BMP5: variants seen among roughly 807,000 people sequenced by gnomAD.
The protein encoded by BMP5 is bone morphogenetic protein 5.
BMP5 carries 23 observed loss-of-function variants against 46.6 expected under a neutral mutation model. The ratio of observed to expected loss-of-function variants is 0.49; its 90% CI spans 0.35 to 0.70. The LOEUF is 0.70. Among genes scored for constraint, BMP5 ranks in the 30% least tolerant of loss-of-function variants. The pLI is 0.00. For missense variants in BMP5, 545 were observed against 565.6 expected (o/e 0.96, Z 0.37); for synonymous variants, 204 against 191.9 (o/e 1.06, Z -0.52).
chr6:55,755,748 T>C, intron 6 of BMP5, 66 bp from the exon 7 acceptor site: 2 of 1,467,214 alleles, frequency 1.4e-6, no homozygotes, highest in Non-Finnish European at 1.9e-6. Flanking sequence ...AGTTTTAAAA[T>C]GGTATGATTA....
intron 3 of BMP5, among the ~76,000 whole-genome samples, chr6:55,776,848 C>A: frequency 6.6e-6 from 1 of 151,750 alleles, no homozygotes; most frequent in Non-Finnish European, 1.5e-5. Flanking sequence ...CAAAGACTTT[C>A]AATATTTTAA....
At chr6:55,854,442 T>C (rs889830117) in intron 1 of BMP5, among the ~76,000 whole-genome samples, 3 of 152,088 alleles carry the variant, frequency 2.0e-5, no homozygotes, top group African/African-American at 7.2e-5. Context: ...CTCTTTTTTA[T>C]ACTGTATTTT....
intron 1 of BMP5, among the ~76,000 whole-genome samples, chr6:55,867,074 A>G (rs1777658954): frequency 6.6e-6 from 1 of 152,076 alleles, no homozygotes; most frequent in South Asian, 2.1e-4. Flanking sequence ...ACATTTCCCT[A>G]TTCTGCTATT....
Position 55,768,022 on chromosome 6 carries a change from A to G in BMP5, c.1027+6027T>C, listed in dbSNP as rs367996715. ...TGATATCAGCATATTAAGGTAATCTATTATGTATGGATTAGGTAAACAAGG... is the reference window on the plus strand; with the variant it reads ...TGATATCAGCATATTAAGGTAATCTGTTATGTATGGATTAGGTAAACAAGG... On this transcript the variant is annotated intron_variant, in intron 4 of 6. Transcript: ENST00000370830. 3.9e-5 allele frequency among the ~76,000 whole-genome samples: 6 copies of G among 151,962 alleles called. No homozygotes were observed. The South Asian group carries it at 1.2e-3, about 31-fold the overall frequency.
At chr6:55,844,048 T>C (rs1777035685) in intron 1 of BMP5, among the ~76,000 whole-genome samples, 1 of 152,034 alleles carries the variant, frequency 6.6e-6, no homozygotes. Context: ...GAATCTGTAT[T>C]TATAATACAG....
chr6:55,787,786 A>C (rs1487608292), intron 3 of BMP5, among the ~76,000 whole-genome samples: 1 of 151,622 alleles, frequency 6.6e-6, no homozygotes. Flanking sequence ...ACTTTATTTG[A>C]AGTTTGCAGA....
At chr6:55,762,749 T>A (rs1354108978) in intron 4 of BMP5, among the ~76,000 whole-genome samples, 4 of 152,130 alleles carry the variant, frequency 2.6e-5, no homozygotes. Flanking sequence ...AAAACAAATG[T>A]TAGCTATGCA....
At chr6:55,797,515 A>G (rs1341819696) in intron 2 of BMP5, among the ~76,000 whole-genome samples, 2 of 152,164 alleles carry the variant, frequency 1.3e-5, no homozygotes, top group Non-Finnish European at 2.9e-5. Flanking sequence ...CAGTTACAAT[A>G]CTTGAAATTA....
At chr6:55,836,627 T>TAC (rs71874169) in intron 1 of BMP5, among the ~76,000 whole-genome samples, 4,001 of 127,226 alleles carry the variant, frequency 0.031, 176 homozygotes, top group African/African-American at 0.11. Context: ...AACACATACA[T>TAC]ACATACACAC....
intron 1 of BMP5, among the ~76,000 whole-genome samples, chr6:55,824,227 TACTGCAGTGGTAAATG>T (rs1776477548): frequency 6.6e-6 from 1 of 151,906 alleles, no homozygotes; most frequent in South Asian, 2.1e-4. Flanking sequence ...TGCTATAACC[TACTGCAGTGGTAAATG>T]ACTTGGGAAG....
chr6:55,831,735 T>C (rs1776668831), intron 1 of BMP5, among the ~76,000 whole-genome samples: 1 of 152,012 alleles, frequency 6.6e-6, no homozygotes, highest in Admixed American at 6.6e-5. Context: ...AAGAAATAGT[T>C]CAATTCACTT....
intron 4 of BMP5, among the ~76,000 whole-genome samples, chr6:55,764,283 A>G (rs1774857652): frequency 6.6e-6 from 1 of 152,144 alleles, no homozygotes; most frequent in Admixed American, 6.5e-5. Context: ...CCATAAAAAG[A>G]ATGAAATTGG....
chr6:55,764,929 T>A (rs752371558), intron 4 of BMP5, among the ~76,000 whole-genome samples: 1 of 152,152 alleles, frequency 6.6e-6, no homozygotes, highest in Non-Finnish European at 1.5e-5. Context: ...TAATTCTACA[T>A]TTCAAAATAA....
At chr6:55,796,749 T>C (rs1163860498) in intron 2 of BMP5, among the ~76,000 whole-genome samples, 1 of 149,762 alleles carries the variant, frequency 6.7e-6, no homozygotes, top group Non-Finnish European at 1.5e-5. Context: ...GAATATGCGG[T>C]GTTTGGTTCT....
At chr6:55,823,508 C>G (rs1034097035) in intron 1 of BMP5, among the ~76,000 whole-genome samples, 3 of 151,938 alleles carry the variant, frequency 2.0e-5, no homozygotes, top group Non-Finnish European at 4.4e-5. Flanking sequence ...TCCCCGTGAC[C>G]CTACTTAAGT....
At chr6:55,777,269 T>TA (rs528527934) in intron 3 of BMP5, among the ~76,000 whole-genome samples, 26 of 151,098 alleles carry the variant, frequency 1.7e-4, no homozygotes, top group South Asian at 6.3e-4. Flanking sequence ...CCGTATGTAT[T>TA]AAAAAAAAAG....
In BMP5 at chr6:55,754,337, C is replaced by CAT. The variant is rs949148120; in HGVS notation, c.*1195_*1196insAT. ...ATGCACACACAGACACACACACACA[C>CAT]ACACACACAACAGAACCTTCCTGTT... is the stretch of plus-strand genomic sequence containing the variant. On this transcript the variant is annotated 3_prime_UTR_variant, in exon 7 of 7. Coordinates refer to ENST00000370830, the MANE Select transcript of BMP5 (RefSeq NM_021073.4). 1.3e-5 allele frequency: 2 copies of CAT among 151,830 alleles called. No homozygotes were observed. Among genetic ancestry groups the CAT allele is most frequent in the African/African-American group, 4.8e-5 (2 of 41,370 alleles). The allele number at this position is 151,830 out of a possible 1,614,324, so 9.4% of individuals were successfully genotyped here. A position where few individuals can be genotyped will look rare whatever the true frequency, so the allele number is the denominator to read the frequency against.
At chr6:55,872,172 C>T (rs1777803271) in intron 1 of BMP5, among the ~76,000 whole-genome samples, 1 of 151,680 alleles carries the variant, frequency 6.6e-6, no homozygotes, top group South Asian at 2.1e-4. Context: ...TATTTGAAGG[C>T]ATGATCAAAG....
rs1047730654 is a variant in BMP5, at chr6:55,875,008, C to T, written c.-143G>A. On this transcript the variant is annotated 5_prime_UTR_variant, in exon 1 of 7. Coordinates refer to ENST00000370830, the MANE Select transcript of BMP5 (RefSeq NM_021073.4). ...TTTTCATGACAGTGACATTTCTGAG[C>T]ACAACATCCTCACCGATTTTCCTGT... 4.5e-6 allele frequency: 4 copies of T among 887,444 alleles called. No homozygotes were observed. The highest frequency in any genetic ancestry group is 6.9e-6 in the Non-Finnish European group (4 of 579,236). The allele number at this position is 887,444 out of a possible 1,614,324, so 55.0% of individuals were successfully genotyped here. A position where few individuals can be genotyped will look rare whatever the true frequency, so the allele number is the denominator to read the frequency against.
Sources: gnomAD v4.1 joint callset for allele counts (sites outside exome capture counted in the v4.1 genomes callset) on GRCh38, gnomAD v4.1.1 for gene constraint, MANE v1.5 for transcripts, NCBI Gene and HGNC (gene_info 2026-07-23, HGNC 2026-07-21) for gene names.